The following MSI2 variants were observed in gnomAD, a reference collection of about 807,000 sequenced individuals.
The protein encoded by MSI2 is musashi RNA binding protein 2.
MSI2 carries 17 observed loss-of-function variants against 45.6 expected under a neutral mutation model. The ratio of observed to expected loss-of-function variants is 0.37; its 90% CI spans 0.26 to 0.56. The LOEUF is 0.56. Among genes scored for constraint, MSI2 ranks in the 20% least tolerant of loss-of-function variants. MSI2 has a pLI of 0.77. For synonymous variants in MSI2, 156 were observed against 158.2 expected (o/e 0.99, Z 0.11); for missense variants, 293 against 444.2 (o/e 0.66, Z 3.06).
At chr17:57,633,752 A>G (rs1335357767) in intron 10 of MSI2, among the ~76,000 whole-genome samples, 1 of 152,172 alleles carries the variant, frequency 6.6e-6, no homozygotes, top group Non-Finnish European at 1.5e-5. Context: ...TAGTTAGTTG[A>G]GTTGTTACAA....
intron 7 of MSI2, among the ~76,000 whole-genome samples, chr17:57,578,106 C>T (rs1187289849): frequency 2.0e-5 from 3 of 152,320 alleles, no homozygotes; most frequent in African/African-American, 7.2e-5. Flanking sequence ...CTTGCCTCCT[C>T]CGCCCCTGCC....
chr17:57,308,839 GT>G (rs1453569619), intron 5 of MSI2, among the ~76,000 whole-genome samples: 17 of 152,166 alleles, frequency 1.1e-4, no homozygotes, highest in African/African-American at 4.1e-4. Flanking sequence ...TTCCTGGTGA[GT>G]TTTATTGTTC....
intron 6 of MSI2, among the ~76,000 whole-genome samples, chr17:57,467,829 G>C (rs2085356156): frequency 6.6e-6 from 1 of 151,554 alleles, no homozygotes; most frequent in Non-Finnish European, 1.5e-5. Flanking sequence ...TAAAAGCATA[G>C]GGTTGCACGT....
chr17:57,677,651 C>T (rs1312654718), intron 13 of MSI2, among the ~76,000 whole-genome samples: 1 of 152,268 alleles, frequency 6.6e-6, no homozygotes, highest in Non-Finnish European at 1.5e-5. Context: ...ATCCAGATTA[C>T]TGCACGAAAA....
At chr17:57,439,951 A>AG (rs530857180) in intron 6 of MSI2, among the ~76,000 whole-genome samples, 146 of 151,552 alleles carry the variant, frequency 9.6e-4, no homozygotes, top group African/African-American at 2.8e-3. Flanking sequence ...GTGGGATAAG[A>AG]GGGGGGGTCT....
intron 7 of MSI2, among the ~76,000 whole-genome samples, chr17:57,547,148 T>A (rs2087188384): frequency 6.6e-6 from 1 of 151,968 alleles, no homozygotes; most frequent in African/African-American, 2.4e-5. Flanking sequence ...GGACCTGGCA[T>A]GGGAAGGAAC....
At chr17:57,323,523 C>T (rs1057412694) in intron 5 of MSI2, among the ~76,000 whole-genome samples, 10 of 152,258 alleles carry the variant, frequency 6.6e-5, no homozygotes, top group African/African-American at 2.4e-4. Context: ...CTGCAGCCTC[C>T]TTGGTTGGTG....
intron 6 of MSI2, among the ~76,000 whole-genome samples, chr17:57,402,947 GATTTGT>G (rs774251436): frequency 6.6e-6 from 1 of 152,188 alleles, no homozygotes; most frequent in Non-Finnish European, 1.5e-5. Context: ...CAGTAAGGGG[GATTTGT>G]CCATCACCCA....
At chr17:57,483,593 T>C (rs1381396271) in intron 6 of MSI2, among the ~76,000 whole-genome samples, 1 of 152,116 alleles carries the variant, frequency 6.6e-6, no homozygotes, top group East Asian at 1.9e-4. Context: ...CTAGGGCTGA[T>C]GAGGGAAAGA....
In MSI2 at chr17:57,495,472, G is replaced by T. The variant is rs180773310; in HGVS notation, c.406-34204G>T. On this transcript the variant is annotated intron_variant, in intron 6 of 13. Coordinates refer to ENST00000284073, the MANE Select transcript of MSI2 (RefSeq NM_138962.4). ...CACTTGAACCCAGGAGGCGGAGGTTGCAGTGAGCCAAGATTGCGCCACCAC... is the reference window on the plus strand; with the variant it reads ...CACTTGAACCCAGGAGGCGGAGGTTTCAGTGAGCCAAGATTGCGCCACCAC... 5.5e-3 allele frequency among the ~76,000 whole-genome samples: 794 copies of T among 143,266 alleles called. 13 individuals are homozygous for T. The highest frequency in any genetic ancestry group is 0.019 in the African/African-American group (743 of 38,668). 94.0% of individuals were successfully genotyped at this position (143,266 alleles called of 152,430 possible).
At chr17:57,446,997 T>C (rs943363031) in intron 6 of MSI2, among the ~76,000 whole-genome samples, 3 of 152,224 alleles carry the variant, frequency 2.0e-5, no homozygotes, top group Non-Finnish European at 2.9e-5. Context: ...CAAAAATCCA[T>C]GCGCTGCAAA....
At chr17:57,481,989 C>G (rs1451823324) in intron 6 of MSI2, among the ~76,000 whole-genome samples, 1 of 152,180 alleles carries the variant, frequency 6.6e-6, no homozygotes, top group African/African-American at 2.4e-5. Context: ...GCTATGGCAC[C>G]TCAAGATGGA....
At chr17:57,618,844 G>T (rs567935696) in intron 9 of MSI2, among the ~76,000 whole-genome samples, 22 of 152,178 alleles carry the variant, frequency 1.4e-4, no homozygotes, top group African/African-American at 5.1e-4. Context: ...GCCCAGCAAC[G>T]CTGTCTCTTA....
chr17:57,445,577 T>C lies in MSI2; in HGVS notation c.405+44106T>C, dbSNP rs572830672. Among the ~76,000 whole-genome samples the C allele has an allele frequency of 1.6e-4, 24 of 152,252 alleles. No homozygotes were observed. The East Asian group carries it at 4.2e-3, about 27-fold the overall frequency. ...GGGGGGGGGTGCATTTAATCATTTA[T>C]TCTTTTTAGTAGGTTTAATTGTATA... On this transcript the variant is annotated intron_variant, in intron 6 of 13. Transcript: ENST00000284073.
At chr17:57,636,370 T>C (rs1909837220) in intron 10 of MSI2, among the ~76,000 whole-genome samples, 2 of 152,196 alleles carry the variant, frequency 1.3e-5, no homozygotes. Flanking sequence ...GCAGCTGCCA[T>C]GCTCAAGGCC....
rs549645068 is a variant in MSI2 at position 57,618,826 on chromosome 17, G to A, written c.652+2742G>A. On this transcript the variant is annotated intron_variant, in intron 9 of 13. Transcript: ENST00000284073. ...CAAAGTGCTGGGATTACAGGCGTGA[G>A]CCACTGCGCCCAGCAACGCTGTCTC... Among the ~76,000 whole-genome samples, 12 of 152,312 alleles carry A rather than the reference G, an allele frequency of 7.9e-5. No homozygotes were observed. The East Asian group carries it at 2.3e-3, about 29-fold the overall frequency.
chr17:57,279,946 C>G (rs557482677), intron 5 of MSI2: 2 of 151,588 alleles, frequency 1.3e-5, no homozygotes, highest in Admixed American at 1.3e-4. Context: ...AGTGCCTGGC[C>G]TGATTCATGA....
chr17:57,529,450 A>G lies in MSI2; in HGVS notation c.406-226A>G, dbSNP rs1162841730. ...GACCCTGTCTCAAAAAATAAAAAGC[A>G]GACACTAAAGGGAACTATATAAAAT... On this transcript the variant is annotated intron_variant, in intron 6 of 13. Transcript: ENST00000284073. This position sits in a 1 kb window ranked among gnomAD's most constrained non-coding sequence, Gnocchi z 5.3. 2.6e-5 allele frequency among the ~76,000 whole-genome samples: 4 copies of G among 152,150 alleles called. No individual in the cohort carries two copies. The highest frequency in any genetic ancestry group is 9.7e-5 in the African/African-American group (4 of 41,424).
At chr17:57,392,027 T>C (rs2083802683) in intron 5 of MSI2, among the ~76,000 whole-genome samples, 3 of 152,174 alleles carry the variant, frequency 2.0e-5, no homozygotes, top group Admixed American at 6.5e-5. Flanking sequence ...GATGGAGTGA[T>C]GGAGAAACCG....
Sources: allele counts gnomAD v4.1 joint callset (sites outside exome capture counted in the v4.1 genomes callset), GRCh38; gene constraint gnomAD v4.1.1; non-coding constraint Gnocchi (gnomAD v3.1); transcripts MANE v1.5; gene names NCBI Gene and HGNC (gene_info 2026-07-23, HGNC 2026-07-21).